Variants in ITPR2 observed in about 807,000 individuals in gnomAD.
ITPR2 encodes the protein inositol 1,4,5-trisphosphate receptor type 2.
In ITPR2, 207 loss-of-function variants were observed where a neutral mutation model predicts 317.1. The ratio of observed to expected loss-of-function variants is 0.65; its 90% confidence interval spans 0.58 to 0.73. The LOEUF is 0.73. ITPR2 is among the 30% of genes least tolerant of loss of function. ITPR2 has a pLI of 0.00. For synonymous variants in ITPR2, 1,156 were observed against 1,149.1 expected (o/e 1.01, Z -0.12); for missense variants, 2,613 against 3,284.0 (o/e 0.80, Z 4.99).
At chr12:26,567,994 A>AT (rs1565609723) in intron 34 of ITPR2, among the ~76,000 whole-genome samples, 6 of 5,380 alleles carry the variant, frequency 1.1e-3, no homozygotes, top group East Asian at 3.2e-3. Context: ...ATATATATAT[A>AT]TATTATATAT....
At position 26,824,006 on chromosome 12, in the gene ITPR2, T is replaced by C. The variant is rs532167734; in HGVS notation, c.92+8684A>G. On this transcript the variant is annotated intron_variant, in intron 1 of 56. Transcript: ENST00000381340. ...CTAAATTAAAAGACTACCAATACTC[T>C]TCAACTTACAATGGGGTAACATCCC... 2.0e-3 allele frequency among the ~76,000 whole-genome samples: 301 copies of C among 152,300 alleles called. 1 individual carries two copies. Among genetic ancestry groups the C allele is most frequent in the African/African-American group, 6.8e-3 (284 of 41,564 alleles).
chr12:26,394,839 G>A (rs1436371518), intron 54 of ITPR2, among the ~76,000 whole-genome samples: 1 of 152,158 alleles, frequency 6.6e-6, no homozygotes, highest in East Asian at 1.9e-4. Flanking sequence ...GTGAAGGTGG[G>A]TTCATTAGCG....
intron 1 of ITPR2, among the ~76,000 whole-genome samples, chr12:26,806,596 T>G (rs2137254635): frequency 6.6e-6 from 1 of 152,378 alleles, no homozygotes; most frequent in South Asian, 2.1e-4. Context: ...GGGAATATTC[T>G]GGGTAAGTTC....
In ITPR2 at chr12:26,459,964, T is replaced by C. The variant is rs973980480; in HGVS notation, c.6342+15332A>G. Among the ~76,000 whole-genome samples the C allele has an allele frequency of 2.0e-5, 3 of 152,190 alleles. No homozygotes were observed. The South Asian group carries it at 6.2e-4, about 31-fold the overall frequency. On this transcript the variant is annotated intron_variant, in intron 45 of 56. Coordinates refer to ENST00000381340, the MANE Select transcript of ITPR2 (RefSeq NM_002223.4). The stretch of plus-strand genomic sequence containing the variant: ...CAAGCCTCCTCTATCTCCAGTCTTT[T>C]GAAATGCACCATCATCTGCCAACTA...
rs748129846 is a variant in ITPR2 at position 26,632,061 on chromosome 12, T to A, written c.2741-2A>T. 1 of 1,529,034 alleles carries A rather than the reference T, an allele frequency of 6.5e-7. No homozygotes were observed. Among genetic ancestry groups the A allele is most frequent in the Non-Finnish European group, 8.8e-7 (1 of 1,139,932 alleles). The allele number at this position is 1,529,034 out of a possible 1,614,324, so 94.7% of individuals were successfully genotyped here. A position where few individuals can be genotyped will look rare whatever the true frequency, so the allele number is the denominator to read the frequency against. ...GAATGGTTCTCATCACATTGTTTCC[T>A]GGCATGAGAAAATGCCGTAAGTCAA... On this transcript the variant is annotated splice_acceptor_variant, in intron 21 of 56. Coordinates refer to ENST00000381340, the MANE Select transcript of ITPR2 (RefSeq NM_002223.4). LOFTEE classifies it high-confidence loss of function.
At chr12:26,826,085 T>C (rs1951005301) in intron 1 of ITPR2, among the ~76,000 whole-genome samples, 1 of 152,126 alleles carries the variant, frequency 6.6e-6, no homozygotes, top group Non-Finnish European at 1.5e-5. Flanking sequence ...AAGCTTCATG[T>C]ACAAACTCCC....
At chr12:26,816,759 A>G (rs1321220555) in intron 1 of ITPR2, among the ~76,000 whole-genome samples, 1 of 152,184 alleles carries the variant, frequency 6.6e-6, no homozygotes, top group Non-Finnish European at 1.5e-5. Context: ...AGTCTGGGAG[A>G]TCAGGAACAG....
At chr12:26,593,964 C>T (rs944107042) in intron 32 of ITPR2, among the ~76,000 whole-genome samples, 4 of 152,128 alleles carry the variant, frequency 2.6e-5, no homozygotes, top group East Asian at 1.9e-4. Context: ...TGTGCAACTC[C>T]GCAAATCAGT....
intron 11 of ITPR2, among the ~76,000 whole-genome samples, chr12:26,684,749 C>G (rs899991268): frequency 1.3e-5 from 2 of 152,096 alleles, no homozygotes; most frequent in Non-Finnish European, 2.9e-5. Context: ...TAGTAAGACC[C>G]TTTTATCATT....
chr12:26,732,456 C>G (rs957971056), intron 2 of ITPR2, among the ~76,000 whole-genome samples: 4 of 152,200 alleles, frequency 2.6e-5, no homozygotes, highest in Non-Finnish European at 5.9e-5. Flanking sequence ...TGCCTGACCT[C>G]TTAGTGGTAG....
At chr12:26,530,645 T>C (rs1943921884) in intron 37 of ITPR2, among the ~76,000 whole-genome samples, 1 of 152,214 alleles carries the variant, frequency 6.6e-6, no homozygotes, top group African/African-American at 2.4e-5. Context: ...TTCTCTGAAG[T>C]CAGCCTCAGC....
At chr12:26,472,215 A>G (rs769151111) in intron 45 of ITPR2, among the ~76,000 whole-genome samples, 2 of 152,234 alleles carry the variant, frequency 1.3e-5, no homozygotes, top group African/African-American at 4.8e-5. Flanking sequence ...CTACACTGTC[A>G]GTTACATACA....
chr12:26,736,424 C>T (rs1949118695), intron 2 of ITPR2, among the ~76,000 whole-genome samples: 1 of 152,110 alleles, frequency 6.6e-6, no homozygotes, highest in Admixed American at 6.5e-5. Context: ...ATGCAATTAA[C>T]TTTATACAAA....
chr12:26,756,504 G>T lies in ITPR2; in HGVS notation c.164-30739C>A, dbSNP rs186889906. The stretch of plus-strand genomic sequence containing the variant: ...CTTTACTGTTGTGTAATGTATTGCT[G>T]TTGTAGTCTTTTTGTAGAAATGCAG... On this transcript the variant is annotated intron_variant, in intron 2 of 56. Transcript: ENST00000381340. Among the ~76,000 whole-genome samples the T allele has an allele frequency of 6.6e-5, 10 of 152,308 alleles. No homozygotes were observed. The East Asian group carries it at 1.7e-3, about 26-fold the overall frequency.
At chr12:26,707,108 G>A (rs947072724) in intron 9 of ITPR2, among the ~76,000 whole-genome samples, 2 of 152,128 alleles carry the variant, frequency 1.3e-5, no homozygotes, top group Admixed American at 6.5e-5. Context: ...TGATTGTGCC[G>A]CGCTGTCTTC....
chr12:26,429,450 G>A (rs1413668907), intron 48 of ITPR2, among the ~76,000 whole-genome samples: 3 of 152,072 alleles, frequency 2.0e-5, no homozygotes, highest in African/African-American at 7.2e-5. Flanking sequence ...TAACATACAG[G>A]TACCCTACTC....
intron 42 of ITPR2, among the ~76,000 whole-genome samples, chr12:26,482,329 T>C (rs1384197355): frequency 6.6e-6 from 1 of 152,180 alleles, no homozygotes; most frequent in African/African-American, 2.4e-5. Flanking sequence ...ATATGTGGGG[T>C]TCATGTTATT....
intron 32 of ITPR2, among the ~76,000 whole-genome samples, chr12:26,586,571 A>G (rs1369019777): frequency 6.6e-6 from 1 of 152,124 alleles, no homozygotes; most frequent in Admixed American, 6.5e-5. Flanking sequence ...ATCCATTTTT[A>G]CTGGTTCAGG....
chr12:26,386,746 T>C (rs1332834315), intron 55 of ITPR2, among the ~76,000 whole-genome samples: 1 of 152,102 alleles, frequency 6.6e-6, no homozygotes, highest in East Asian at 1.9e-4. Context: ...GTAACGATAC[T>C]CACTAAATGT....
Sources: allele counts gnomAD v4.1 joint callset (sites outside exome capture counted in the v4.1 genomes callset), GRCh38; gene constraint gnomAD v4.1.1; transcripts MANE v1.5; gene names NCBI Gene and HGNC (gene_info 2026-07-23, HGNC 2026-07-21).